Variants in SCN2A observed in about 807,000 individuals in gnomAD.
SCN2A encodes sodium voltage-gated channel alpha subunit 2, also known as sodium channel protein type 2 subunit alpha.
A neutral mutation model predicts 188.7 loss-of-function variants in SCN2A; 20 were observed. That is an observed-to-expected ratio of 0.11 (90% CI 0.07 to 0.15). The LOEUF is 0.15. Among genes scored for constraint, SCN2A ranks in the 10% least tolerant of loss-of-function variants. SCN2A has a pLI of 1.00. For missense variants in SCN2A, 1,278 were observed against 2,445.0 expected, an observed-to-expected ratio of 0.52 and a Z score of 10.07; for synonymous variants, 804 against 833.1, an observed-to-expected ratio of 0.97 and a Z score of 0.60.
chr2:165,315,877 TG>T, intron 11 of SCN2A, 119 bp downstream of exon 11: 1 of 1,168,462 alleles, frequency 8.6e-7, no homozygotes, highest in Middle Eastern at 2.1e-4. Flanking sequence ...AGAGTAGTGA[TG>T]ATTATCAAGT....
Position 165,339,170 on chromosome 2 carries a change from G to A in SCN2A, c.2389-3126G>A, listed in dbSNP as rs111493102. 7.5e-3 allele frequency among the ~76,000 whole-genome samples: 1,139 copies of A among 151,612 alleles called. 23 individuals are homozygous for A. Among genetic ancestry groups the A allele is most frequent in the African/African-American group, 0.025 (1,051 of 41,346 alleles). On this transcript the variant is annotated intron_variant, in intron 14 of 26. Coordinates refer to ENST00000375437, the MANE Select transcript of SCN2A (RefSeq NM_001040142.2). ...CGGGAGGCGGAGGTTGCAGTGAGCC[G>A]AGATTAAGCCACTGCACTCCACACT...
At chr2:165,352,395 T>G (rs1699969324) in intron 16 of SCN2A, among the ~76,000 whole-genome samples, 1 of 152,134 alleles carries the variant, frequency 6.6e-6, no homozygotes, top group African/African-American at 2.4e-5. Flanking sequence ...AAATCACCAT[T>G]GGTTAGACTA....
At chr2:165,368,115 C>A (rs1377333255) in intron 19 of SCN2A, among the ~76,000 whole-genome samples, 11 of 151,982 alleles carry the variant, frequency 7.2e-5, no homozygotes, top group Admixed American at 7.2e-4. Flanking sequence ...TTATTGCCAG[C>A]GAAAGTGGCT....
At position 165,268,237 on chromosome 2, in the gene SCN2A, A is replaced by G. The variant is rs1333291931; in HGVS notation, c.-51-27536A>G. The G allele has an allele frequency of 2.6e-5, 4 of 152,146 alleles. No individual in the cohort carries two copies. In the East Asian group the frequency reaches 5.8e-4, roughly 22 times the overall value. 9.4% of individuals were successfully genotyped at this position (152,146 alleles called of 1,614,324 possible). On this transcript the variant is annotated intron_variant, in intron 1 of 26. Coordinates refer to ENST00000375437, the MANE Select transcript of SCN2A (RefSeq NM_001040142.2). The stretch of plus-strand genomic sequence containing the variant: ...AAATCAGGAAAGGACACAAGAAAAA[A>G]GAAAACTGCAGACTAATGTTCCTGA...
chr2:165,378,554 A>G (rs1338322956), intron 23 of SCN2A, among the ~76,000 whole-genome samples: 2 of 151,722 alleles, frequency 1.3e-5, no homozygotes, highest in African/African-American at 2.4e-5. Context: ...TACTAGCTCT[A>G]TTTTACTACT....
intron 13 of SCN2A, among the ~76,000 whole-genome samples, chr2:165,330,085 A>T (rs1383351430): frequency 6.6e-6 from 1 of 152,212 alleles, no homozygotes; most frequent in African/African-American, 2.4e-5. Context: ...TTGTCCTTTT[A>T]TATGCTGGTT....
Position 165,296,438 on chromosome 2 carries a change from G to A in SCN2A, c.267+348G>A, listed in dbSNP as rs1025492663. 7.7e-5 allele frequency: 21 copies of A among 273,904 alleles called. No homozygotes were observed. In the Admixed American group the frequency reaches 7.9e-4, roughly 10 times the overall value. 17.0% of individuals were successfully genotyped at this position (273,904 alleles called of 1,614,324 possible). Reference sequence around the variant, plus strand: ...GTTGAGAAGCAAAAACTGTAAACTAGGAGTCTATTTAAATTTTATTTTTTA... The same window carrying A: ...GTTGAGAAGCAAAAACTGTAAACTAAGAGTCTATTTAAATTTTATTTTTTA... On this transcript the variant is annotated intron_variant, in intron 2 of 26. Transcript: ENST00000375437.
At position 165,260,970 on chromosome 2, in the gene SCN2A, CA is replaced by C. The variant is rs760304392; in HGVS notation, c.-52+21349del. Among the ~76,000 whole-genome samples the C allele has an allele frequency of 3.1e-3, 277 of 90,374 alleles. 2 individuals carry two copies. Among genetic ancestry groups the C allele is most frequent in the South Asian group, 9.0e-3 (21 of 2,346 alleles). 59.3% of individuals were successfully genotyped at this position (90,374 alleles called of 152,430 possible). A position where few individuals can be genotyped will look rare whatever the true frequency, so the allele number is the denominator to read the frequency against. ...GGGTGACAAGAGTGAAACTCCGTCT[CA>C]AAAAAAAAAAAAAAAAAAGGTATGT... On this transcript the variant is annotated intron_variant, in intron 1 of 26. Coordinates refer to ENST00000375437, the MANE Select transcript of SCN2A (RefSeq NM_001040142.2).
chr2:165,315,138 C>T (rs931819538), intron 10 of SCN2A, among the ~76,000 whole-genome samples: 9 of 151,994 alleles, frequency 5.9e-5, no homozygotes, highest in African/African-American at 2.2e-4. Flanking sequence ...TCTTTAATTC[C>T]CATATTATTT....
rs1322692952 is a variant in SCN2A, at chr2:165,389,056, T to A, written c.5250T>A (p.Ser1750=). The A allele has an allele frequency of 5.0e-6, 8 of 1,614,138 alleles. No individual in the cohort carries two copies. The highest frequency in any genetic ancestry group is 6.8e-6 in the Non-Finnish European group (8 of 1,180,022). ...SSVKGDCGNP[S]VGIFFFVSYI... is the part of the protein sequence containing the mutation. The stretch of plus-strand genomic sequence containing the variant: ...TTAAAGGAGACTGTGGGAACCCATC[T>A]GTTGGGATTTTCTTTTTTGTCAGTT... The change falls in exon 27 of 27, where the codon TCT becomes TCA. Residue 1750 remains serine, a synonymous_variant. Coordinates refer to ENST00000375437, the MANE Select transcript of SCN2A (RefSeq NM_001040142.2). The surrounding 1 kb of genome is among the most constrained non-coding windows in gnomAD (Gnocchi z 4.2).
chr2:165,362,420 A>G (rs1163673365), intron 17 of SCN2A, among the ~76,000 whole-genome samples: 1 of 152,062 alleles, frequency 6.6e-6, no homozygotes, highest in Non-Finnish European at 1.5e-5. Flanking sequence ...AATTAAAAAA[A>G]ACACCTCAAC....
intron 1 of SCN2A, among the ~76,000 whole-genome samples, chr2:165,247,529 C>G (rs1442157989): frequency 6.6e-6 from 1 of 152,096 alleles, no homozygotes; most frequent in Non-Finnish European, 1.5e-5. Context: ...ATTGCTGTCT[C>G]CCCCTTGATA....
chr2:165,389,355 A>G lies in SCN2A; in HGVS notation c.5549A>G (p.Asp1850Gly). The change falls in exon 27 of 27, where the codon GAC becomes GGC. Residue 1850 changes from aspartate (D) to glycine (G), a missense_variant. Transcript: ENST00000375437. This position sits in a 1 kb window ranked among gnomAD's most constrained non-coding sequence, Gnocchi z 4.2. ...ATGGATCTGCCCATGGTGAGTGGTG[A>G]CCGGATCCACTGTCTTGACATCTTA... ...IAMDLPMVSG[D>G]RIHCLDILFA... 2 of 1,614,024 alleles carry G rather than the reference A, an allele frequency of 1.2e-6. No individual in the cohort carries two copies. Among genetic ancestry groups the G allele is most frequent in the Non-Finnish European group, 1.7e-6 (2 of 1,179,988 alleles).
rs1190289737 is a variant in SCN2A at position 165,357,647 on chromosome 2, G to A, written c.3399+2976G>A. On this transcript the variant is annotated intron_variant, in intron 17 of 26. Transcript: ENST00000375437. Reference sequence around the variant, plus strand: ...TTAATGTAATTCCTTTTGTGATTTTGAATGATTGTTTTTTCTTTTAGAGTA... The same window carrying A: ...TTAATGTAATTCCTTTTGTGATTTTAAATGATTGTTTTTTCTTTTAGAGTA... Among the ~76,000 whole-genome samples the A allele has an allele frequency of 2.0e-5, 3 of 152,164 alleles. No individual in the cohort carries two copies. In the East Asian group the frequency reaches 5.8e-4, roughly 29 times the overall value.
chr2:165,357,807 G>A lies in SCN2A; in HGVS notation c.3399+3136G>A, dbSNP rs140997561. 3.9e-5 allele frequency among the ~76,000 whole-genome samples: 6 copies of A among 152,222 alleles called. No homozygotes were observed. In the East Asian group the frequency reaches 1.2e-3, roughly 29 times the overall value. On this transcript the variant is annotated intron_variant, in intron 17 of 26. Transcript: ENST00000375437. ...TCAAGCTGGAGCCATCAAGAATGCA[G>A]CTCTGGTGTTTTTTAACCAGCCAGA...
chr2:165,297,195 A>G, intron 3 of SCN2A, 60 bp downstream of exon 3: 2 of 1,010,732 alleles, frequency 2.0e-6, no homozygotes, highest in Non-Finnish European at 3.1e-6. Flanking sequence ...TTATTGAGCT[A>G]CACATTTTCC....
intron 20 of SCN2A, chr2:165,370,650 A>C (rs756966103): frequency 6.7e-5 from 18 of 266,946 alleles, no homozygotes; most frequent in Non-Finnish European, 1.2e-4. Flanking sequence ...CATCTTTGAC[A>C]TTAGTATGTT....
intron 16 of SCN2A, among the ~76,000 whole-genome samples, chr2:165,348,412 A>C (rs932567829): frequency 6.6e-6 from 1 of 151,964 alleles, no homozygotes. Flanking sequence ...CTCTCATATA[A>C]AGGTAACCTC....
chr2:165,292,643 T>C (rs933939587), intron 1 of SCN2A, among the ~76,000 whole-genome samples: 3 of 152,232 alleles, frequency 2.0e-5, no homozygotes, highest in African/African-American at 7.2e-5. Context: ...CCAGAAAGTA[T>C]GAAATACATT....
Sources: allele counts gnomAD v4.1 joint callset (sites outside exome capture counted in the v4.1 genomes callset), GRCh38; gene constraint gnomAD v4.1.1; non-coding constraint Gnocchi (gnomAD v3.1); transcripts MANE v1.5; gene names NCBI Gene and HGNC (gene_info 2026-07-23, HGNC 2026-07-21).